The following ITGB6 variants were observed in gnomAD, a reference collection of about 807,000 sequenced individuals.
ITGB6 encodes the protein integrin subunit beta 6, also known as integrin beta-6.
Under a neutral mutation model 84.5 loss-of-function variants are expected in ITGB6, and 80 were observed. The ratio of observed to expected loss-of-function variants is 0.95; its 90% confidence interval spans 0.79 to 1.14. The LOEUF (loss-of-function observed/expected upper bound fraction) is 1.14, where lower values mean the gene tolerates loss of function less well. Ranked by LOEUF, ITGB6 falls within the 50% of genes most tolerant of loss-of-function variation. The pLI, the probability that ITGB6 is intolerant of heterozygous loss-of-function variation, is 0.00. For missense variants in ITGB6, 1,006 were observed against 968.0 expected (o/e 1.04, Z -0.52); for synonymous variants, 383 against 354.9 (o/e 1.08, Z -0.89).
At chr2:160,161,351 C>T (rs899867643) in intron 7 of ITGB6, among the ~76,000 whole-genome samples, 20 of 152,124 alleles carry the variant, frequency 1.3e-4, no homozygotes, top group African/African-American at 4.1e-4. Context: ...ACGATTAAGG[C>T]ATGACGTCGA....
At chr2:160,148,220 T>C (rs1684272912) in intron 7 of ITGB6, among the ~76,000 whole-genome samples, 1 of 152,186 alleles carries the variant, frequency 6.6e-6, no homozygotes, top group African/African-American at 2.4e-5. Context: ...CCACATTAAA[T>C]GTCAGCAGGT....
At chr2:160,111,193 T>C (rs1189976369) in intron 13 of ITGB6, among the ~76,000 whole-genome samples, 1 of 152,160 alleles carries the variant, frequency 6.6e-6, no homozygotes, top group Non-Finnish European at 1.5e-5. Flanking sequence ...GCAGGACTTA[T>C]TCTGGAAATT....
intron 8 of ITGB6, among the ~76,000 whole-genome samples, chr2:160,141,022 G>A (rs1683980165): frequency 6.6e-6 from 1 of 152,070 alleles, no homozygotes; most frequent in Admixed American, 6.6e-5. Context: ...TTTTAGTTAA[G>A]GAATGCTGGT....
At chr2:160,106,991 T>C (rs1696933176) in intron 14 of ITGB6, among the ~76,000 whole-genome samples, 1 of 152,218 alleles carries the variant, frequency 6.6e-6, no homozygotes, top group Non-Finnish European at 1.5e-5. Flanking sequence ...TCTATGGGTC[T>C]CTAGAAATGT....
At chr2:160,150,881 GA>G (rs1684387811) in intron 7 of ITGB6, among the ~76,000 whole-genome samples, 6 of 152,276 alleles carry the variant, frequency 3.9e-5, no homozygotes, top group Admixed American at 3.3e-4. Flanking sequence ...ATGGTAAAGG[GA>G]TCAATTCAAC....
At chr2:160,186,006 A>G (rs911409650) in intron 4 of ITGB6, among the ~76,000 whole-genome samples, 1 of 152,160 alleles carries the variant, frequency 6.6e-6, no homozygotes, top group South Asian at 2.1e-4. Context: ...AAGACCTAAA[A>G]CCATAAAAAC....
intron 4 of ITGB6, among the ~76,000 whole-genome samples, chr2:160,190,263 G>A (rs1686088867): frequency 6.6e-6 from 1 of 151,544 alleles, no homozygotes; most frequent in South Asian, 2.1e-4. Flanking sequence ...TAAATGACGA[G>A]TTAATGGGTG....
At chr2:160,198,278 T>C (rs1158236590) in intron 2 of ITGB6, among the ~76,000 whole-genome samples, 1 of 152,208 alleles carries the variant, frequency 6.6e-6, no homozygotes, top group African/African-American at 2.4e-5. Flanking sequence ...GTGTCTGTGC[T>C]CTCTTGTCTG....
chr2:160,108,783 T>C (rs1014157429), intron 13 of ITGB6, among the ~76,000 whole-genome samples: 12 of 152,242 alleles, frequency 7.9e-5, no homozygotes, highest in Admixed American at 2.6e-4. Context: ...TTCTATGAAA[T>C]GTTATTTTGA....
chr2:160,136,070 A>T (rs1027884449), intron 10 of ITGB6, among the ~76,000 whole-genome samples: 24 of 152,230 alleles, frequency 1.6e-4, no homozygotes, highest in African/African-American at 5.8e-4. Context: ...TAATTAAACT[A>T]AAGAGCTTCT....
intron 2 of ITGB6, among the ~76,000 whole-genome samples, chr2:160,197,223 G>T (rs971031945): frequency 6.6e-6 from 1 of 152,132 alleles, no homozygotes; most frequent in African/African-American, 2.4e-5. Flanking sequence ...GTGAACCCGG[G>T]AGGCAGAGCT....
intron 4 of ITGB6, among the ~76,000 whole-genome samples, chr2:160,177,570 C>CAA (rs1330102516): frequency 6.9e-5 from 9 of 130,098 alleles, no homozygotes; most frequent in African/African-American, 1.7e-4. Flanking sequence ...GATTCTGTCT[C>CAA]AAAAAAAAAA....
chr2:160,196,744 C>T (rs75546329), intron 2 of ITGB6, among the ~76,000 whole-genome samples: 8,423 of 152,030 alleles, frequency 0.055, 341 homozygotes, highest in Non-Finnish European at 0.088. Flanking sequence ...AGCTTTGTCC[C>T]AGGCCATGAC....
At chr2:160,111,909 A>G (rs1187641777) in intron 13 of ITGB6, among the ~76,000 whole-genome samples, 171 bp downstream of exon 13, 3 of 152,134 alleles carry the variant, frequency 2.0e-5, no homozygotes, top group Non-Finnish European at 4.4e-5. Flanking sequence ...AGACACTGGA[A>G]CATACTGAAC....
intron 10 of ITGB6, among the ~76,000 whole-genome samples, chr2:160,129,758 T>A (rs1359542648): frequency 6.6e-6 from 1 of 152,184 alleles, no homozygotes; most frequent in East Asian, 1.9e-4. Context: ...AGTGGCTTAC[T>A]TTTCTATCTT....
At chr2:160,199,976 T>C (rs2105902631) in intron 1 of ITGB6, 27 bp downstream of exon 1, 1 of 1,571,920 alleles carries the variant, frequency 6.4e-7, no homozygotes, top group Non-Finnish European at 8.7e-7. Context: ...ACCACGAAAG[T>C]AATATATCAG....
In ITGB6 at chr2:160,174,153, A is replaced by G. The variant is rs1279159752; in HGVS notation, c.594-14T>C. On this transcript the variant is annotated splice_polypyrimidine_tract_variant and intron_variant, in intron 4 of 14. Coordinates refer to ENST00000283249, the MANE Select transcript of ITGB6 (RefSeq NM_000888.5). ...TATGGAATACTACTGCAAAAGTAAG[A>G]TGCAAAAATACTGTTGATGAAATAT... The G allele has an allele frequency of 1.3e-6, 2 of 1,576,780 alleles. No homozygotes were observed. The highest frequency in any genetic ancestry group is 8.6e-7 in the Non-Finnish European group (1 of 1,158,620).
At chr2:160,157,522 G>A (rs549706294) in intron 7 of ITGB6, among the ~76,000 whole-genome samples, 1 of 152,142 alleles carries the variant, frequency 6.6e-6, no homozygotes, top group East Asian at 1.9e-4. Context: ...GTGAGGGTGG[G>A]AATCTTATTA....
chr2:160,158,988 A>T (rs1250225492), intron 7 of ITGB6, among the ~76,000 whole-genome samples: 1 of 151,724 alleles, frequency 6.6e-6, no homozygotes, highest in Non-Finnish European at 1.5e-5. Flanking sequence ...AGTCCCCACT[A>T]CTCAGGAGGC....
Sources: allele counts gnomAD v4.1 joint callset (sites outside exome capture counted in the v4.1 genomes callset), GRCh38; gene constraint gnomAD v4.1.1; transcripts MANE v1.5; gene names NCBI Gene and HGNC (gene_info 2026-07-23, HGNC 2026-07-21).